TAFA1: variants seen among roughly 807,000 people sequenced by gnomAD.
The protein encoded by TAFA1 is chemokine-like protein TAFA-1.
TAFA1 carries 4 observed loss-of-function variants against 18.5 expected under a neutral mutation model. The observed-to-expected ratio is 0.22, with a 90% CI of 0.11 to 0.49. The LOEUF is 0.49. TAFA1 is among the 20% of genes least tolerant of loss of function. The probability of loss-of-function intolerance (pLI) is 0.98; values close to 1 mark genes in which losing one functional copy is unlikely to be tolerated. For missense variants in TAFA1, 147 were observed against 169.0 expected (o/e 0.87, Z 0.72); for synonymous variants, 56 against 55.2 (o/e 1.01, Z -0.06).
intron 3 of TAFA1, among the ~76,000 whole-genome samples, chr3:68,526,173 GT>G (rs895184730): frequency 1.3e-5 from 2 of 152,120 alleles, no homozygotes; most frequent in Non-Finnish European, 2.9e-5. Context: ...CTTGTCTAAA[GT>G]TTCCATCAAT....
intron 2 of TAFA1, among the ~76,000 whole-genome samples, chr3:68,115,294 T>C (rs2065311812): frequency 6.6e-6 from 1 of 152,166 alleles, no homozygotes; most frequent in African/African-American, 2.4e-5. Flanking sequence ...GAGAGAGGCA[T>C]CATGGGAGTT....
chr3:68,062,103 T>A (rs1427204971), intron 2 of TAFA1, among the ~76,000 whole-genome samples: 1 of 152,218 alleles, frequency 6.6e-6, no homozygotes. Flanking sequence ...CCAAAACCTC[T>A]TAGTGACTAT....
At chr3:68,476,231 C>T (rs2072094571) in intron 3 of TAFA1, among the ~76,000 whole-genome samples, 2 of 152,166 alleles carry the variant, frequency 1.3e-5, no homozygotes, top group African/African-American at 2.4e-5. Flanking sequence ...AGTGTACAGG[C>T]AACCTACAGA....
At chr3:68,072,032 A>G (rs2064761920) in intron 2 of TAFA1, among the ~76,000 whole-genome samples, 1 of 152,232 alleles carries the variant, frequency 6.6e-6, no homozygotes, top group Non-Finnish European at 1.5e-5. Context: ...GAGAATAGCA[A>G]TAGTATTTTA....
intron 2 of TAFA1, among the ~76,000 whole-genome samples, chr3:68,105,464 G>A (rs906383513): frequency 6.6e-6 from 1 of 152,028 alleles, no homozygotes; most frequent in Non-Finnish European, 1.5e-5. Flanking sequence ...CAAAATCAAG[G>A]TGAGGTTATC....
chr3:68,039,664 C>A (rs1350172133), intron 2 of TAFA1, among the ~76,000 whole-genome samples: 1 of 152,034 alleles, frequency 6.6e-6, no homozygotes, highest in Non-Finnish European at 1.5e-5. Flanking sequence ...CAGATGCAGA[C>A]CTTGAAACAA....
At chr3:68,075,156 G>T (rs976646198) in intron 2 of TAFA1, among the ~76,000 whole-genome samples, 1 of 152,330 alleles carries the variant, frequency 6.6e-6, no homozygotes, top group Non-Finnish European at 1.5e-5. Flanking sequence ...ACTGGCCAGA[G>T]GTGGTGCCTA....
intron 2 of TAFA1, among the ~76,000 whole-genome samples, chr3:68,253,114 C>T (rs894632228): frequency 6.6e-5 from 10 of 151,956 alleles, no homozygotes; most frequent in Admixed American, 2.0e-4. Flanking sequence ...GTGTGAGAAC[C>T]GACTAATACA....
chr3:68,092,681 A>G (rs2065043184), intron 2 of TAFA1, among the ~76,000 whole-genome samples: 1 of 152,172 alleles, frequency 6.6e-6, no homozygotes, highest in African/African-American at 2.4e-5. Context: ...AGCAGGCAAA[A>G]GAACACTTCT....
intron 2 of TAFA1, among the ~76,000 whole-genome samples, chr3:68,128,157 C>A (rs1383263275): frequency 2.6e-5 from 4 of 152,062 alleles, no homozygotes; most frequent in Non-Finnish European, 4.4e-5. Flanking sequence ...CATTAATGAT[C>A]AGTGGAGCCA....
chr3:68,400,826 G>A (rs867831740), intron 2 of TAFA1, among the ~76,000 whole-genome samples: 63 of 152,246 alleles, frequency 4.1e-4, no homozygotes, highest in Middle Eastern at 6.8e-3. Flanking sequence ...TGACTATGTC[G>A]GGAATGTGCA....
intron 2 of TAFA1, among the ~76,000 whole-genome samples, chr3:68,076,130 T>G (rs1284540219): frequency 6.6e-6 from 1 of 152,180 alleles, no homozygotes; most frequent in Non-Finnish European, 1.5e-5. Flanking sequence ...GCATTCTTGG[T>G]GAAAGTTGAA....
Position 68,120,247 on chromosome 3 carries a change from TTCTTTCTTTC to T in TAFA1, c.118+113505_118+113514del, listed in dbSNP as rs1380039711. Reference sequence around the variant, plus strand: ...TTTCTTTCTTTCTTTCTTTCTTTCTTTCTTTCTTTCTTTCTTTTTTGAGACAGAGTCTCAT... The same window carrying T: ...TTTCTTTCTTTCTTTCTTTCTTTCTTTTTCTTTTTTGAGACAGAGTCTCAT... On this transcript the variant is annotated intron_variant, in intron 2 of 4. Coordinates refer to ENST00000478136, the MANE Select transcript of TAFA1 (RefSeq NM_213609.4). 3.3e-3 allele frequency among the ~76,000 whole-genome samples: 413 copies of T among 126,206 alleles called. 4 individuals carry two copies. Among genetic ancestry groups the T allele is most frequent in the African/African-American group, 0.011 (379 of 33,496 alleles). 82.8% of individuals were successfully genotyped at this position (126,206 alleles called of 152,430 possible). A position where few individuals can be genotyped will look rare whatever the true frequency, so the allele number is the denominator to read the frequency against.
intron 2 of TAFA1, among the ~76,000 whole-genome samples, chr3:68,065,150 T>C (rs2064657484): frequency 6.6e-6 from 1 of 152,282 alleles, no homozygotes; most frequent in African/African-American, 2.4e-5. Context: ...CACTTCTACA[T>C]CTACAACAGA....
At chr3:68,370,727 G>T (rs2106816855) in intron 2 of TAFA1, among the ~76,000 whole-genome samples, 1 of 147,964 alleles carries the variant, frequency 6.8e-6, no homozygotes, top group East Asian at 2.0e-4. Flanking sequence ...AGTACTCCTA[G>T]ACAATTGGAG....
At chr3:68,337,366 C>G (rs565379914) in intron 2 of TAFA1, among the ~76,000 whole-genome samples, 8 of 152,042 alleles carry the variant, frequency 5.3e-5, no homozygotes, top group South Asian at 2.1e-4. Flanking sequence ...CTTACTGTCA[C>G]GAGTAGAACA....
chr3:68,022,708 C>T (rs865936199), intron 2 of TAFA1, among the ~76,000 whole-genome samples: 10 of 150,642 alleles, frequency 6.6e-5, no homozygotes, highest in Non-Finnish European at 5.9e-5. Context: ...ATTGGTTTAT[C>T]ATGAATTAAT....
intron 2 of TAFA1, among the ~76,000 whole-genome samples, chr3:68,360,031 T>A (rs2069441062): frequency 6.6e-6 from 1 of 151,958 alleles, no homozygotes; most frequent in Non-Finnish European, 1.5e-5. Context: ...CCCCCACTTG[T>A]ATTTATCAGG....
intron 3 of TAFA1, among the ~76,000 whole-genome samples, chr3:68,474,223 C>T (rs1265608744): frequency 1.3e-5 from 2 of 152,096 alleles, no homozygotes; most frequent in African/African-American, 2.4e-5. Flanking sequence ...ATCAAAGTTA[C>T]TAAGATTACT....
Sources: gnomAD v4.1 joint callset for allele counts (sites outside exome capture counted in the v4.1 genomes callset) on GRCh38, gnomAD v4.1.1 for gene constraint, MANE v1.5 for transcripts, NCBI Gene and HGNC (gene_info 2026-07-23, HGNC 2026-07-21) for gene names.